The following CPE variants were observed in gnomAD, a reference collection of about 807,000 sequenced individuals.
CPE encodes the protein carboxypeptidase E.
Under a neutral mutation model 53.5 loss-of-function variants are expected in CPE, and 17 were observed. The observed-to-expected ratio is 0.32, with a 90% CI of 0.22 to 0.48. CPE has a LOEUF of 0.48. Among genes scored for constraint, CPE ranks in the 20% least tolerant of loss-of-function variants. The probability of loss-of-function intolerance (pLI) is 0.99; values close to 1 mark genes in which losing one functional copy is unlikely to be tolerated. For missense variants in CPE, 524 were observed against 614.7 expected (o/e 0.85, Z 1.56); for synonymous variants, 226 against 228.8 (o/e 0.99, Z 0.11).
At chr4:165,442,635 C>T (rs774434860) in intron 1 of CPE, among the ~76,000 whole-genome samples, 1 of 152,128 alleles carries the variant, frequency 6.6e-6, no homozygotes, top group African/African-American at 2.4e-5. Flanking sequence ...AAATCCAGTT[C>T]CTCAGTTGCA....
chr4:165,418,793 T>C (rs1731164002), intron 1 of CPE, among the ~76,000 whole-genome samples: 1 of 152,172 alleles, frequency 6.6e-6, no homozygotes, highest in South Asian at 2.1e-4. Context: ...AGAGTTTTTT[T>C]GGAATGGGAT....
At chr4:165,448,536 C>G (rs565724568) in intron 1 of CPE, among the ~76,000 whole-genome samples, 7 of 152,228 alleles carry the variant, frequency 4.6e-5, no homozygotes, top group African/African-American at 1.4e-4. Context: ...GCAGGAAATG[C>G]CCCACTTCTC....
intron 1 of CPE, among the ~76,000 whole-genome samples, chr4:165,403,788 C>T (rs1730909376): frequency 6.6e-6 from 1 of 151,912 alleles, no homozygotes; most frequent in Admixed American, 6.6e-5. Context: ...AAAGAGATGG[C>T]TCCAGATGGC....
intron 1 of CPE, among the ~76,000 whole-genome samples, chr4:165,447,265 A>G (rs1015538651): frequency 2.0e-5 from 3 of 152,154 alleles, no homozygotes; most frequent in Non-Finnish European, 2.9e-5. Context: ...TGGTTACACA[A>G]AATTTATTAA....
At chr4:165,472,868 A>T (rs1162679153) in intron 3 of CPE, among the ~76,000 whole-genome samples, 1 of 152,236 alleles carries the variant, frequency 6.6e-6, no homozygotes, top group Non-Finnish European at 1.5e-5. Flanking sequence ...TCTCAAGAAC[A>T]TGTTACACTG....
rs560996504 is a variant in CPE, at chr4:165,483,916, T to C, written c.791-506T>C. Reference sequence around the variant, plus strand: ...TGAAGACTTTGTGGTTTGTTGATAATTGGGAAACTTGTAGGCCTGCATAAT... The same window carrying C: ...TGAAGACTTTGTGGTTTGTTGATAACTGGGAAACTTGTAGGCCTGCATAAT... On this transcript the variant is annotated intron_variant, in intron 4 of 8. Coordinates refer to ENST00000402744, the MANE Select transcript of CPE (RefSeq NM_001873.4). 3.0e-4 allele frequency among the ~76,000 whole-genome samples: 45 copies of C among 152,306 alleles called. 2 individuals carry two copies. The South Asian group carries it at 9.1e-3, about 31-fold the overall frequency.
chr4:165,491,007 G>A (rs1272526712), intron 6 of CPE, among the ~76,000 whole-genome samples: 1 of 152,186 alleles, frequency 6.6e-6, no homozygotes, highest in Non-Finnish European at 1.5e-5. Flanking sequence ...GAATTTTCCA[G>A]TCTGAATTCA....
chr4:165,482,183 C>A, intron 3 of CPE, 59 bp from the exon 4 acceptor site: 1 of 1,102,372 alleles, frequency 9.1e-7, no homozygotes, highest in African/African-American at 1.6e-5. Flanking sequence ...TCTTTTCTGT[C>A]AAGTGATCAT....
intron 1 of CPE, among the ~76,000 whole-genome samples, chr4:165,406,610 T>C (rs2126665132): frequency 6.6e-6 from 1 of 152,334 alleles, no homozygotes; most frequent in Admixed American, 6.5e-5. Context: ...AGAATTCACA[T>C]ACCAAATAGT....
intron 6 of CPE, among the ~76,000 whole-genome samples, chr4:165,490,867 C>T (rs1007839108): frequency 1.5e-4 from 23 of 152,144 alleles, no homozygotes; most frequent in African/African-American, 5.6e-4. Context: ...TTTCAGCCTT[C>T]GCTGAAACTG....
chr4:165,438,541 TCTAA>T (rs777508970), intron 1 of CPE, among the ~76,000 whole-genome samples: 3 of 152,166 alleles, frequency 2.0e-5, no homozygotes, highest in Admixed American at 1.3e-4. Flanking sequence ...GTGCTGAGAT[TCTAA>T]CTATGAACAA....
At chr4:165,497,480 GATA>G in intron 8 of CPE, 29 bp from the exon 9 acceptor site, 1 of 1,267,228 alleles carries the variant, frequency 7.9e-7, no homozygotes, top group Non-Finnish European at 1.1e-6. Context: ...CATGCAGTTT[GATA>G]ATAATATGTT....
chr4:165,393,532 C>T (rs1287713551), intron 1 of CPE, among the ~76,000 whole-genome samples: 1 of 152,140 alleles, frequency 6.6e-6, no homozygotes, highest in East Asian at 1.9e-4. Flanking sequence ...AGTTGAGCTT[C>T]AGAGAGACAT....
intron 3 of CPE, among the ~76,000 whole-genome samples, chr4:165,470,514 C>T (rs1175920521): frequency 1.3e-5 from 2 of 152,206 alleles, no homozygotes; most frequent in Non-Finnish European, 2.9e-5. Flanking sequence ...TGCCCAACTC[C>T]TGCCGTCTTA....
At chr4:165,412,990 A>G (rs1731064637) in intron 1 of CPE, among the ~76,000 whole-genome samples, 1 of 152,216 alleles carries the variant, frequency 6.6e-6, no homozygotes, top group Admixed American at 6.5e-5. Flanking sequence ...ACTTCTTCGC[A>G]TGCGCTTGAG....
intron 3 of CPE, among the ~76,000 whole-genome samples, chr4:165,478,409 A>G (rs1258938568): frequency 6.6e-6 from 1 of 152,210 alleles, no homozygotes; most frequent in Non-Finnish European, 1.5e-5. Flanking sequence ...TTTTGAACAT[A>G]CTGGTAACAT....
intron 3 of CPE, among the ~76,000 whole-genome samples, chr4:165,469,870 G>T: frequency 6.6e-6 from 1 of 152,312 alleles, no homozygotes; most frequent in African/African-American, 2.4e-5. Context: ...CAGGAATCCA[G>T]ACAAGTGTTC....
rs532977082 is a variant in CPE, at chr4:165,401,017, C to A, written c.307+21489C>A. Among the ~76,000 whole-genome samples, 301 of 152,138 alleles carry A rather than the reference C, an allele frequency of 2.0e-3. 2 individuals are homozygous for A. The highest frequency in any genetic ancestry group is 7.0e-3 in the African/African-American group (289 of 41,482). ...GCTCTTCATCACCAGTTCTAATGAGCCGTTTTCAATCTTTATCTTACTTGA... is the reference window on the plus strand; with the variant it reads ...GCTCTTCATCACCAGTTCTAATGAGACGTTTTCAATCTTTATCTTACTTGA... On this transcript the variant is annotated intron_variant, in intron 1 of 8. Transcript: ENST00000402744.
chr4:165,406,668 G>A (rs1730959138), intron 1 of CPE, among the ~76,000 whole-genome samples: 1 of 152,152 alleles, frequency 6.6e-6, no homozygotes, highest in Non-Finnish European at 1.5e-5. Context: ...GATCCACAGT[G>A]TTGTGCAGCC....
Sources: gnomAD v4.1 joint callset for allele counts (sites outside exome capture counted in the v4.1 genomes callset) on GRCh38, gnomAD v4.1.1 for gene constraint, MANE v1.5 for transcripts, NCBI Gene and HGNC (gene_info 2026-07-23, HGNC 2026-07-21) for gene names.